ZNRF2: variants seen among roughly 807,000 people sequenced by gnomAD.
ZNRF2 encodes E3 ubiquitin-protein ligase ZNRF2.
A neutral mutation model predicts 20.4 loss-of-function variants in ZNRF2; 16 were observed. The observed-to-expected ratio is 0.79, with a 90% CI of 0.53 to 1.19. ZNRF2 has a LOEUF of 1.19. ZNRF2 is among the 50% of genes most tolerant of loss of function. The pLI, the probability that ZNRF2 is intolerant of heterozygous loss-of-function variation, is 0.00. For synonymous variants in ZNRF2, 178 were observed against 144.9 expected, an observed-to-expected ratio of 1.23 and a Z score of -1.64; for missense variants, 363 against 332.4, an observed-to-expected ratio of 1.09 and a Z score of -0.72.
In ZNRF2 at chr7:30,306,110, G is replaced by A. The variant is rs1052101027; in HGVS notation, c.470-17532G>A. On this transcript the variant is annotated intron_variant, in intron 1 of 4. Coordinates refer to ENST00000323037, the MANE Select transcript of ZNRF2 (RefSeq NM_147128.4). ...TATAGTGGTTTTAAAGATTAGATGA[G>A]ATAATGTAGCATTTAGCAAAGTGTT... Among the ~76,000 whole-genome samples the A allele has an allele frequency of 2.0e-5, 3 of 152,280 alleles. No individual in the cohort carries two copies. In the East Asian group the frequency reaches 5.8e-4, roughly 29 times the overall value.
Position 30,355,816 on chromosome 7 carries a change from A to G in ZNRF2, c.654A>G (p.Leu218=), listed in dbSNP as rs140007579. The G allele has an allele frequency of 9.7e-5, 156 of 1,612,676 alleles. No individual in the cohort carries two copies. In the Middle Eastern group the frequency reaches 9.9e-4, roughly 10 times the overall value. The change falls in exon 3 of 5, where the codon CTA becomes CTG. Residue 218 remains leucine, a synonymous_variant. Coordinates refer to ENST00000323037, the MANE Select transcript of ZNRF2 (RefSeq NM_147128.4). The stretch of plus-strand genomic sequence containing the variant: ...ATACTATAGCACGACTGCCTTGTCT[A>G]TGCATATATCATAAAGGGTAAGTTC... ...QGDTIARLPC[L]CIYHKGCIDE...
At chr7:30,334,158 G>A (rs76302490) in intron 2 of ZNRF2, among the ~76,000 whole-genome samples, 4,516 of 151,996 alleles carry the variant, frequency 0.03, 169 homozygotes, top group African/African-American at 0.088. Context: ...TTCATCTTGC[G>A]TGAATTTTGT....
In ZNRF2 at chr7:30,284,869, G is replaced by A. The variant is rs1358270335; in HGVS notation, c.-489G>A. 1.3e-5 allele frequency: 3 copies of A among 226,180 alleles called. No homozygotes were observed. Among genetic ancestry groups the A allele is most frequent in the South Asian group, 7.0e-5 (2 of 28,372 alleles). The allele number at this position is 226,180 out of a possible 1,614,324, so 14.0% of individuals were successfully genotyped here. ...GGGTGGCTGGGGGAGGAGGGAAGGT[G>A]GCCCCGGCGGAGTCTGGGCGGGCGC... On this transcript the variant is annotated 5_prime_UTR_variant, in exon 1 of 5. Coordinates refer to ENST00000323037, the MANE Select transcript of ZNRF2 (RefSeq NM_147128.4).
chr7:30,339,923 G>A (rs1389842157), intron 2 of ZNRF2, among the ~76,000 whole-genome samples: 1 of 152,014 alleles, frequency 6.6e-6, no homozygotes, highest in African/African-American at 2.4e-5. Context: ...ATTTGTTTGT[G>A]TCCTCTCTTA....
In ZNRF2 at chr7:30,313,059, T is replaced by G. The variant is rs114279879; in HGVS notation, c.470-10583T>G. ...CTTGATAAGTAGAAGCCATGTGAGC[T>G]GTACCCAAGTGGCTACTTTGGTTCT... is the stretch of plus-strand genomic sequence containing the variant. On this transcript the variant is annotated intron_variant, in intron 1 of 4. Transcript: ENST00000323037. Among the ~76,000 whole-genome samples, 1,011 of 152,332 alleles carry G rather than the reference T, an allele frequency of 6.6e-3. 16 individuals are homozygous for G. The highest frequency in any genetic ancestry group is 0.023 in the African/African-American group (972 of 41,578).
At chr7:30,303,083 C>A (rs1799144256) in intron 1 of ZNRF2, among the ~76,000 whole-genome samples, 1 of 151,948 alleles carries the variant, frequency 6.6e-6, no homozygotes, top group African/African-American at 2.4e-5. Flanking sequence ...GAGTTCGAAA[C>A]CAGCCTGGGC....
At chr7:30,304,201 G>A (rs568870305) in intron 1 of ZNRF2, among the ~76,000 whole-genome samples, 11 of 152,216 alleles carry the variant, frequency 7.2e-5, no homozygotes, top group African/African-American at 2.6e-4. Flanking sequence ...GGCCTAAGCA[G>A]CTATAGCTTC....
chr7:30,335,924 T>TA (rs1474791571), intron 2 of ZNRF2, among the ~76,000 whole-genome samples: 2 of 152,084 alleles, frequency 1.3e-5, no homozygotes, highest in African/African-American at 4.8e-5. Flanking sequence ...AGAGGCATCA[T>TA]AAAGAGTGAG....
In ZNRF2 at chr7:30,366,399, T is replaced by C. The variant is rs966368306; in HGVS notation, c.*387T>C. ...CAGAGCTGCACAACTAGTTATGTTT[T>C]GATTTGTTTTGTTTTTTAATTTGGG... On this transcript the variant is annotated 3_prime_UTR_variant, in exon 5 of 5. Transcript: ENST00000323037. 32 of 152,774 alleles carry C rather than the reference T, an allele frequency of 2.1e-4. 1 individual carries two copies. Among genetic ancestry groups the C allele is most frequent in the African/African-American group, 7.7e-4 (32 of 41,588 alleles). The allele number at this position is 152,774 out of a possible 1,614,324, so 9.5% of individuals were successfully genotyped here. A position where few individuals can be genotyped will look rare whatever the true frequency, so the allele number is the denominator to read the frequency against.
chr7:30,360,386 T>C (rs1205213717), intron 3 of ZNRF2, among the ~76,000 whole-genome samples: 1 of 152,216 alleles, frequency 6.6e-6, no homozygotes, highest in Non-Finnish European at 1.5e-5. Flanking sequence ...TATAATGGAA[T>C]GTTGTACACA....
At chr7:30,317,198 ATATT>A (rs1799389522) in intron 1 of ZNRF2, among the ~76,000 whole-genome samples, 1 of 152,114 alleles carries the variant, frequency 6.6e-6, no homozygotes, top group African/African-American at 2.4e-5. Context: ...ATTTATTTGG[ATATT>A]TATTAAGTGT....
intron 2 of ZNRF2, among the ~76,000 whole-genome samples, chr7:30,338,689 G>A (rs1033969423): frequency 3.9e-5 from 6 of 151,986 alleles, no homozygotes; most frequent in African/African-American, 1.2e-4. Context: ...ATGGCATTTG[G>A]GTTGGTTCCA....
At chr7:30,286,741 TC>T (rs1798797350) in intron 1 of ZNRF2, among the ~76,000 whole-genome samples, 1 of 152,192 alleles carries the variant, frequency 6.6e-6, no homozygotes, top group Non-Finnish European at 1.5e-5. Flanking sequence ...ACCTCCCCTC[TC>T]CCCTTTATGA....
intron 4 of ZNRF2, among the ~76,000 whole-genome samples, chr7:30,363,972 C>T (rs1021218277): frequency 3.3e-5 from 5 of 152,176 alleles, no homozygotes; most frequent in Non-Finnish European, 7.3e-5. Flanking sequence ...TTCAGGGACT[C>T]AAGACAGTAA....
intron 1 of ZNRF2, among the ~76,000 whole-genome samples, chr7:30,304,309 C>G (rs1214947027): frequency 6.6e-6 from 1 of 152,108 alleles, no homozygotes; most frequent in Non-Finnish European, 1.5e-5. Flanking sequence ...CCACTATATT[C>G]CAGGACTAGC....
At chr7:30,333,020 C>T (rs905837940) in intron 2 of ZNRF2, among the ~76,000 whole-genome samples, 6 of 151,592 alleles carry the variant, frequency 4.0e-5, no homozygotes, top group Admixed American at 2.6e-4. Context: ...GTTGCCTTTG[C>T]TCCATATCCT....
At chr7:30,354,651 A>G (rs1562621423) in intron 2 of ZNRF2, among the ~76,000 whole-genome samples, 1 of 152,202 alleles carries the variant, frequency 6.6e-6, no homozygotes, top group African/African-American at 2.4e-5. Context: ...TGTTTCTTTC[A>G]GAATTTACGT....
chr7:30,316,631 A>G (rs1199561440), intron 1 of ZNRF2, among the ~76,000 whole-genome samples: 1 of 152,114 alleles, frequency 6.6e-6, no homozygotes, highest in African/African-American at 2.4e-5. Context: ...TTTATTTCAG[A>G]TATTTTTGTC....
At chr7:30,303,338 T>C (rs1371571491) in intron 1 of ZNRF2, among the ~76,000 whole-genome samples, 1 of 152,156 alleles carries the variant, frequency 6.6e-6, no homozygotes, top group Non-Finnish European at 1.5e-5. Flanking sequence ...ATTAATTTTA[T>C]AGTAATTTGA....
Sources: allele counts gnomAD v4.1 joint callset (sites outside exome capture counted in the v4.1 genomes callset), GRCh38; gene constraint gnomAD v4.1.1; transcripts MANE v1.5; gene names NCBI Gene and HGNC (gene_info 2026-07-23, HGNC 2026-07-21).